The following PDE4D variants were observed in gnomAD, a reference collection of about 807,000 sequenced individuals.
PDE4D encodes the protein phosphodiesterase 4D, also known as 3',5'-cyclic-AMP phosphodiesterase 4D.
Under a neutral mutation model 87.4 loss-of-function variants are expected in PDE4D, and 24 were observed. The observed-to-expected ratio is 0.27, with a 90% confidence interval of 0.20 to 0.39. The LOEUF is 0.39. PDE4D is among the 10% of genes least tolerant of loss of function. The pLI, the probability that PDE4D is intolerant of heterozygous loss-of-function variation, is 1.00. For missense variants in PDE4D, 714 were observed against 1,041.0 expected (o/e 0.69, Z 4.32); for synonymous variants, 384 against 383.2 (o/e 1.00, Z -0.02).
At chr5:59,035,651 G>T (rs1332787963) in intron 6 of PDE4D, among the ~76,000 whole-genome samples, 1 of 152,060 alleles carries the variant, frequency 6.6e-6, no homozygotes, top group Non-Finnish European at 1.5e-5. Flanking sequence ...AGTTATTATG[G>T]TGCCCATTGT....
At chr5:59,654,364 C>G (rs751435249) in intron 1 of PDE4D, among the ~76,000 whole-genome samples, 10 of 152,156 alleles carry the variant, frequency 6.6e-5, no homozygotes, top group Non-Finnish European at 1.2e-4. Context: ...AGTTGCTCAC[C>G]TATTACCTGC....
At chr5:59,703,869 G>A (rs1752979508) in intron 1 of PDE4D, among the ~76,000 whole-genome samples, 1 of 152,078 alleles carries the variant, frequency 6.6e-6, no homozygotes, top group Non-Finnish European at 1.5e-5. Context: ...ATTATGACAG[G>A]TCCTGAGGGA....
intron 2 of PDE4D, among the ~76,000 whole-genome samples, chr5:60,038,123 G>C (rs1458554726): frequency 6.6e-6 from 1 of 152,084 alleles, no homozygotes; most frequent in African/African-American, 2.4e-5. Flanking sequence ...AAGCTCTTTA[G>C]TTTAATTAGA....
At chr5:59,439,037 T>G (rs1487049018) in intron 1 of PDE4D, among the ~76,000 whole-genome samples, 1 of 152,128 alleles carries the variant, frequency 6.6e-6, no homozygotes, top group Non-Finnish European at 1.5e-5. Flanking sequence ...AATTTCAAAG[T>G]TATTTGCTTG....
At chr5:59,015,130 G>A (rs1384957587) in intron 6 of PDE4D, among the ~76,000 whole-genome samples, 1 of 152,112 alleles carries the variant, frequency 6.6e-6, no homozygotes, top group Non-Finnish European at 1.5e-5. Context: ...ATTCAAGACG[G>A]ATTAAAGACT....
intron 1 of PDE4D, among the ~76,000 whole-genome samples, chr5:59,756,505 A>AACACACACACACAC (rs1761234563): frequency 1.5e-5 from 1 of 67,280 alleles, no homozygotes; most frequent in African/African-American, 6.3e-5. Flanking sequence ...GTAAACCCAA[A>AACACACACACACAC]ACATACACAC....
At chr5:59,113,827 TC>T (rs1184872879) in intron 5 of PDE4D, among the ~76,000 whole-genome samples, 3 of 152,158 alleles carry the variant, frequency 2.0e-5, no homozygotes, top group Non-Finnish European at 2.9e-5. Context: ...GTATCCAATC[TC>T]ACAGATTTGT....
intron 5 of PDE4D, among the ~76,000 whole-genome samples, chr5:59,047,072 A>C (rs967742276): frequency 6.6e-6 from 1 of 152,154 alleles, no homozygotes; most frequent in Non-Finnish European, 1.5e-5. Flanking sequence ...GTTGTGAGTT[A>C]AATAATCTTG....
intron 1 of PDE4D, among the ~76,000 whole-genome samples, chr5:59,453,651 T>C (rs955380898): frequency 3.3e-5 from 5 of 152,192 alleles, no homozygotes; most frequent in Non-Finnish European, 5.9e-5. Context: ...CTCTCTTCAA[T>C]TCTATAAAGA....
intron 1 of PDE4D, among the ~76,000 whole-genome samples, chr5:60,202,366 C>T (rs1316708865): frequency 6.6e-6 from 1 of 152,024 alleles, no homozygotes; most frequent in African/African-American, 2.4e-5. Flanking sequence ...AGAGTTTCCT[C>T]ATGGATCCCA....
intron 1 of PDE4D, among the ~76,000 whole-genome samples, chr5:60,447,186 A>G (rs1745713846): frequency 1.3e-5 from 2 of 152,184 alleles, no homozygotes; most frequent in Non-Finnish European, 2.9e-5. Context: ...TCCATTGCCA[A>G]TATAACATTT....
intron 1 of PDE4D, among the ~76,000 whole-genome samples, chr5:60,442,255 C>T (rs769188571): frequency 1.1e-4 from 17 of 152,118 alleles, no homozygotes; most frequent in Admixed American, 2.6e-4. Flanking sequence ...GAATACTATG[C>T]GGTCATAAAA....
chr5:58,983,489 A>G (rs1745713143), intron 11 of PDE4D, among the ~76,000 whole-genome samples: 1 of 152,198 alleles, frequency 6.6e-6, no homozygotes, highest in South Asian at 2.1e-4. Flanking sequence ...AGCTTAAACC[A>G]CATGGAAACT....
At chr5:60,428,553 C>T (rs577091534) in intron 1 of PDE4D, among the ~76,000 whole-genome samples, 103 of 152,168 alleles carry the variant, frequency 6.8e-4, no homozygotes, top group Middle Eastern at 3.4e-3. Context: ...ATTATACATG[C>T]GACTATGCAA....
chr5:60,016,825 C>T (rs755346908), intron 2 of PDE4D, among the ~76,000 whole-genome samples: 32 of 152,180 alleles, frequency 2.1e-4, no homozygotes, highest in Non-Finnish European at 3.1e-4. Flanking sequence ...TCAACTTCTT[C>T]CAAATGCCGG....
At chr5:59,659,627 G>C (rs1470996627) in intron 1 of PDE4D, among the ~76,000 whole-genome samples, 2 of 152,216 alleles carry the variant, frequency 1.3e-5, no homozygotes, top group African/African-American at 4.8e-5. Context: ...CTCTGTTACA[G>C]CTATCTCCTT....
intron 1 of PDE4D, among the ~76,000 whole-genome samples, chr5:59,445,324 T>C (rs527890919): frequency 1.3e-5 from 2 of 152,308 alleles, no homozygotes; most frequent in African/African-American, 4.8e-5. Flanking sequence ...AAGAAACATA[T>C]CCAGTTTATG....
At chr5:60,166,439 C>A (rs1469479421) in intron 2 of PDE4D, among the ~76,000 whole-genome samples, 1 of 152,212 alleles carries the variant, frequency 6.6e-6, no homozygotes, top group Non-Finnish European at 1.5e-5. Context: ...TTACCTCATT[C>A]TCCCAAACAC....
At chr5:60,313,258 G>A (rs557885966) in intron 1 of PDE4D, among the ~76,000 whole-genome samples, 2 of 151,956 alleles carry the variant, frequency 1.3e-5, no homozygotes, top group African/African-American at 2.4e-5. Flanking sequence ...TATTACCATC[G>A]ACCCAACAGA....
Sources: gnomAD v4.1 joint callset for allele counts (sites outside exome capture counted in the v4.1 genomes callset) on GRCh38, gnomAD v4.1.1 for gene constraint, MANE v1.5 for transcripts, NCBI Gene and HGNC (gene_info 2026-07-23, HGNC 2026-07-21) for gene names.